The following TTN variants were observed in gnomAD, a reference collection of about 807,000 sequenced individuals.
TTN encodes the protein connectin.
TTN carries 1,525 observed loss-of-function variants against 3,223.0 expected under a neutral mutation model. That is an observed-to-expected ratio of 0.47 (90% CI 0.45 to 0.49). The LOEUF (loss-of-function observed/expected upper bound fraction) is 0.49, where lower values mean the gene tolerates loss of function less well. Among genes scored for constraint, TTN ranks in the 20% least tolerant of loss-of-function variants. The pLI, the probability that TTN is intolerant of heterozygous loss-of-function variation, is 0.00. For missense variants in TTN, 40,786 were observed against 43,424.0 expected (o/e 0.94, Z 5.40); for synonymous variants, 14,094 against 15,161.0 (o/e 0.93, Z 5.17).
Position 178,741,878 on chromosome 2 carries a change from A to G in TTN, c.11355T>C (p.His3785=), listed in dbSNP as rs559440641. Residue 3785 remains histidine, a synonymous_variant, in exon 48 of 363, where the codon CAT becomes CAC. Coordinates refer to ENST00000589042, the MANE Select transcript of TTN (RefSeq NM_001267550.2). ...TTTTAGATAATTGAAGTTCGGCGCT[A>G]TGAAGTCCTTCTTCCTCGGCAGACA... ...SFLSAEEEGL[H]SAELQLSKIN... 6.3e-7 allele frequency: 1 copy of G among 1,575,582 alleles called. No homozygotes were observed. Among genetic ancestry groups the G allele is most frequent in the Admixed American group, 1.9e-5 (1 of 53,260 alleles).
chr2:178,542,831 G>C lies in TTN; in HGVS notation c.97023C>G (p.Phe32341Leu). 6.2e-7 allele frequency: 1 copy of C among 1,613,788 alleles called. No individual in the cohort carries two copies. The highest frequency in any genetic ancestry group is 8.5e-7 in the Non-Finnish European group (1 of 1,179,768). ...ATTCTCTCAGTTTAGAACCAGCAAA[G>C]AACCAGGAAGCAGCAGGAGGTGGAC... The part of the protein sequence containing the change: ...AGRPPPAASW[F>L]FAGSKLRESE... Residue 32341 changes from phenylalanine to leucine, a missense_variant, in exon 348 of 363, where the codon TTC becomes TTG. Coordinates refer to ENST00000589042, the MANE Select transcript of TTN (RefSeq NM_001267550.2).
chr2:178,784,840 C>T (rs1040111938), intron 15 of TTN, among the ~76,000 whole-genome samples: 17 of 152,220 alleles, frequency 1.1e-4, no homozygotes, highest in Non-Finnish European at 2.4e-4. Flanking sequence ...TAAAGGTTTC[C>T]TTACTGCTTT....
intron 78 of TTN, among the ~76,000 whole-genome samples, 175 bp from the exon 79 acceptor site, chr2:178,721,377 A>G (rs188283798): frequency 2.0e-3 from 306 of 152,004 alleles, no homozygotes; most frequent in Middle Eastern, 6.8e-3. Flanking sequence ...TAATCTCATA[A>G]CATTTTTTTT....
chr2:178,689,325 G>A lies in TTN; in HGVS notation c.31976C>T (p.Pro10659Leu), dbSNP rs762289992. The A allele has an allele frequency of 1.2e-6, 2 of 1,613,774 alleles. No individual in the cohort carries two copies. The highest frequency in any genetic ancestry group is 1.7e-6 in the Non-Finnish European group (2 of 1,179,816). The part of the protein sequence containing the change: ...KKVPEERKPV[P>L]RKEEEVPPPP... Reference sequence around the variant, plus strand: ...TGGTGGAACTTCTTCCTCCTTCCGAGGAACAGGTTTCCTTTCTTCAGGAAC... The same window carrying A: ...TGGTGGAACTTCTTCCTCCTTCCGAAGAACAGGTTTCCTTTCTTCAGGAAC... Residue 10659 changes from proline (P) to leucine (L), a missense_variant, in exon 124 of 363, where the codon CCT becomes CTT. Transcript: ENST00000589042.
chr2:178,746,051 G>A, intron 47 of TTN: 1 of 1,613,438 alleles, frequency 6.2e-7, no homozygotes, highest in South Asian at 1.1e-5. Context: ...GCACCTGTAT[G>A]TTGCACTATC....
At chr2:178,644,775 A>G in intron 217 of TTN, 159 bp from the exon 218 acceptor site, 1 of 522,850 alleles carries the variant, frequency 1.9e-6, no homozygotes. Context: ...CAGCATTCGA[A>G]CCATGAAAAC....
rs933521240 is a variant in TTN, at chr2:178,543,177, A to G, written c.96796T>C (p.Ser32266Pro). 8 of 1,613,342 alleles carry G rather than the reference A, an allele frequency of 5.0e-6. No individual in the cohort carries two copies. The highest frequency in any genetic ancestry group is 6.8e-6 in the Non-Finnish European group (8 of 1,179,664). The change falls in exon 347 of 363, where the codon TCC (serine) becomes CCC (proline). Residue 32266 changes from serine (S) to proline (P), a missense_variant. Ser to Pro is a moderately conservative substitution (Grantham distance 74). Coordinates refer to ENST00000589042, the MANE Select transcript of TTN (RefSeq NM_001267550.2). Reference protein sequence around the residue: ...KPTVLEHTVTSLNEGEQYLFR... With the variant: ...KPTVLEHTVTPLNEGEQYLFR... Reference sequence around the variant, plus strand: ...AAGTATTGTTCACCTTCATTTAAGGAAGTAACAGTGTGCTCTAGGACTGTG... The same window carrying G: ...AAGTATTGTTCACCTTCATTTAAGGGAGTAACAGTGTGCTCTAGGACTGTG...
intron 263 of TTN, 181 bp from the exon 264 acceptor site, chr2:178,613,457 G>A: frequency 1.6e-6 from 1 of 638,314 alleles, no homozygotes; most frequent in East Asian, 2.8e-5. Context: ...TTTAGACTGG[G>A]CCAAACATAC....
Position 178,681,088 on chromosome 2 carries a change from CG to C in TTN, c.33330del (p.Ala11111LeufsTer6). ...AAGGAAATCATTATACCTTTAGCAGCGGGTTCAGTCACCTGCTCTTTTTCAC... is the reference window on the plus strand; with the variant it reads ...AAGGAAATCATTATACCTTTAGCAGCGGTTCAGTCACCTGCTCTTTTTCAC... ...TKREKEQVTE[P>X]AAKVPMKPKR... On this transcript the variant is annotated frameshift_variant, in exon 138 of 363. Coordinates refer to ENST00000589042, the MANE Select transcript of TTN (RefSeq NM_001267550.2). LOFTEE classifies it high-confidence loss of function. 6.3e-7 allele frequency: 1 copy of C among 1,599,902 alleles called. No individual in the cohort carries two copies. Among genetic ancestry groups the C allele is most frequent in the Non-Finnish European group, 8.5e-7 (1 of 1,175,516 alleles).
Position 178,695,330 on chromosome 2 carries a change from A to G in TTN, c.31270+18T>C, listed in dbSNP as rs755844270. On this transcript the variant is annotated intron_variant, in intron 115 of 362. Coordinates refer to ENST00000589042, the MANE Select transcript of TTN (RefSeq NM_001267550.2). ...GATGTTGATGCTCTAGTCTATTTAAATATTTCTAATTACTTACCTTTAGGA... is the reference window on the plus strand; with the variant it reads ...GATGTTGATGCTCTAGTCTATTTAAGTATTTCTAATTACTTACCTTTAGGA... The G allele has an allele frequency of 3.1e-6, 5 of 1,603,926 alleles. No individual in the cohort carries two copies. The highest frequency in any genetic ancestry group is 2.2e-5 in the East Asian group (1 of 44,738).
At position 178,530,588 on chromosome 2, in the gene TTN, C is replaced by A; in HGVS notation, c.106027G>T (p.Glu35343Ter). The change falls in exon 358 of 363, where the codon GAG (glutamate) becomes TAG (stop). Residue 35343 changes from glutamate to a stop codon, truncating the protein, a stop_gained. Coordinates refer to ENST00000589042, the MANE Select transcript of TTN (RefSeq NM_001267550.2). LOFTEE classifies it high-confidence loss of function. ...QFHYSADGTY[E>*]LKINNLTESD... is the part of the protein sequence containing the mutation. ...TCAGTGAGGTTATTGATTTTGAGCT[C>A]ATAGGTACCATCTGCTGAATAATGA... 6.2e-7 allele frequency: 1 copy of A among 1,614,018 alleles called. No individual in the cohort carries two copies. The highest frequency in any genetic ancestry group is 8.5e-7 in the Non-Finnish European group (1 of 1,179,900).
At position 178,551,227 on chromosome 2, in the gene TTN, G is replaced by A. The variant is rs1060500591; in HGVS notation, c.91304C>T (p.Thr30435Ile). 100 of 1,613,088 alleles carry A rather than the reference G, an allele frequency of 6.2e-5. No individual in the cohort carries two copies. Among genetic ancestry groups the A allele is most frequent in the Non-Finnish European group, 8.4e-5 (99 of 1,179,628 alleles). Residue 30435 changes from threonine (T) to isoleucine (I), a missense_variant, in exon 336 of 363, where the codon ACC becomes ATC. Transcript: ENST00000589042. ...CCATTTAAGTGTGATGGTTTCCCGG[G>A]TGACATCAATGTAGTCAGGAGTGCC... ...PPGTPDYIDV[T>I]RETITLKWNP...
At chr2:178,630,067 T>G (rs2059607632) in intron 239 of TTN, among the ~76,000 whole-genome samples, 174 bp downstream of exon 239, 2 of 152,096 alleles carry the variant, frequency 1.3e-5, no homozygotes, top group Admixed American at 6.6e-5. Flanking sequence ...TTTCCAAAAC[T>G]TTACGATTTG....
rs541384076 is a variant in TTN at position 178,614,514 on chromosome 2, C to T, written c.49000G>A (p.Val16334Met). 2.7e-5 allele frequency: 43 copies of T among 1,611,954 alleles called. 1 individual carries two copies. The South Asian group carries it at 3.1e-4, about 12-fold the overall frequency. The change falls in exon 261 of 363, where the codon GTG becomes ATG. Residue 16334 changes from valine (V) to methionine (M), a missense_variant. Physicochemically the swap from Val to Met is conservative, Grantham distance 21. Transcript: ENST00000589042. ...SDTGTYIIEA[V>M]NVCGRATAVV... ...GCAGTGGCCCGGCCACACACATTCA[C>T]AGCCTCAATGATATATGTGCCAGTG...
rs1169690314 is a variant in TTN, at chr2:178,525,998, G to C, written c.*1014C>G. The C allele has an allele frequency of 6.6e-6, 1 of 152,598 alleles. No homozygotes were observed. The highest frequency in any genetic ancestry group is 2.4e-5 in the African/African-American group (1 of 41,424). The allele number at this position is 152,598 out of a possible 1,614,324, so 9.5% of individuals were successfully genotyped here. On this transcript the variant is annotated 3_prime_UTR_variant, in exon 363 of 363. Transcript: ENST00000589042. ...AACAACCAGCCACACATTTTGAGGT[G>C]CAGATAGCTTGCTTTATTTTGTTGT...
In TTN at chr2:178,599,672, T is replaced by A; in HGVS notation, c.56229A>T (p.Val18743=). The A allele has an allele frequency of 6.2e-7, 1 of 1,613,100 alleles. No individual in the cohort carries two copies. Among genetic ancestry groups the A allele is most frequent in the Non-Finnish European group, 8.5e-7 (1 of 1,179,376 alleles). Residue 18743 remains valine, a synonymous_variant, in exon 289 of 363, where the codon GTA becomes GTT. Transcript: ENST00000589042. ...LYDTHVNKLV[V]DDTCTLVIPQ... is the part of the protein sequence containing the mutation. ...GAATAACTAAAGTGCAAGTATCATC[T>A]ACCACCAGTTTGTTGACATGGGTGT...
In TTN at chr2:178,739,711, C is replaced by A. The variant is rs886115048; in HGVS notation, c.13522G>T (p.Asp4508Tyr). The part of the protein sequence containing the change: ...GAKTSLQEEM[D>Y]SFSGSQKVEP... ...ACCTTCTGTGAACCTGAAAAAGAAT[C>A]CATTTCTTCTTGCAAACTTGTTTTG... The change falls in exon 48 of 363, where the codon GAT (aspartate) becomes TAT (tyrosine). Residue 4508 changes from aspartate (D) to tyrosine (Y), a missense_variant. Transcript: ENST00000589042. The A allele has an allele frequency of 5.6e-6, 9 of 1,613,898 alleles. No individual in the cohort carries two copies. Among genetic ancestry groups the A allele is most frequent in the Non-Finnish European group, 7.6e-6 (9 of 1,179,824 alleles).
chr2:178,721,294 T>A, intron 78 of TTN, 92 bp from the exon 79 acceptor site: 2 of 1,114,666 alleles, frequency 1.8e-6, no homozygotes, highest in Non-Finnish European at 2.3e-6. Context: ...TAAATTTATA[T>A]TTAAACTGGT....
Position 178,534,370 on chromosome 2 carries a change from G to A in TTN, c.102245C>T (p.Thr34082Ile). The A allele has an allele frequency of 1.2e-6, 2 of 1,611,054 alleles. No homozygotes were observed. Among genetic ancestry groups the A allele is most frequent in the East Asian group, 2.2e-5 (1 of 44,876 alleles). Residue 34082 changes from threonine (T) to isoleucine (I), a missense_variant, in exon 358 of 363, where the codon ACT becomes ATT. Thr to Ile is a moderately conservative substitution (Grantham distance 89). Coordinates refer to ENST00000589042, the MANE Select transcript of TTN (RefSeq NM_001267550.2). ...WLKQKIERVSTKVIRTLKHRR... is the reference protein window; with the variant it reads ...WLKQKIERVSIKVIRTLKHRR... The stretch of plus-strand genomic sequence containing the variant: ...GTGTTTTAATGTTCTGATAACTTTA[G>A]TACTGACTCTTTCTATCTTCTGCTT...
Sources: gnomAD v4.1 joint callset for allele counts (sites outside exome capture counted in the v4.1 genomes callset) on GRCh38, gnomAD v4.1.1 for gene constraint, MANE v1.5 for transcripts, NCBI Gene and HGNC (gene_info 2026-07-23, HGNC 2026-07-21) for gene names.